Variants in ABCB1 observed in about 807,000 individuals in gnomAD.
The protein encoded by ABCB1 is ATP binding cassette subfamily B member 1.
Under a neutral mutation model 142.0 loss-of-function variants are expected in ABCB1, and 69 were observed. The ratio of observed to expected loss-of-function variants is 0.49; its 90% confidence interval spans 0.40 to 0.59. ABCB1 has a LOEUF of 0.59. Ranked by LOEUF, ABCB1 falls within the 20% of genes least tolerant of loss-of-function variation. ABCB1 has a pLI of 0.00. For missense variants in ABCB1, 1,326 were observed against 1,554.7 expected (o/e 0.85, Z 2.47); for synonymous variants, 532 against 539.2 (o/e 0.99, Z 0.18).
chr7:87,634,133 G>A (rs1306586147), intron 1 of ABCB1, among the ~76,000 whole-genome samples: 2 of 152,086 alleles, frequency 1.3e-5, no homozygotes, highest in Non-Finnish European at 2.9e-5. Context: ...ATCCAGCCTT[G>A]CTAGAGTGAG....
At chr7:87,556,126 T>C (rs1448922045) in intron 8 of ABCB1, among the ~76,000 whole-genome samples, 1 of 152,186 alleles carries the variant, frequency 6.6e-6, no homozygotes, top group Non-Finnish European at 1.5e-5. Flanking sequence ...AAGGCTTTAG[T>C]ACAGAAATGG....
At chr7:87,625,529 G>C (rs1405753188) in intron 1 of ABCB1, among the ~76,000 whole-genome samples, 1 of 152,182 alleles carries the variant, frequency 6.6e-6, no homozygotes, top group Non-Finnish European at 1.5e-5. Context: ...ATTGATAACT[G>C]ATGGTTTTCC....
chr7:87,530,131 G>T (rs1489382237), intron 21 of ABCB1, among the ~76,000 whole-genome samples: 1 of 152,196 alleles, frequency 6.6e-6, no homozygotes, highest in Non-Finnish European at 1.5e-5. Flanking sequence ...TCATTCACTT[G>T]GTGAGGTAGC....
chr7:87,550,946 G>A (rs1027598958), intron 9 of ABCB1, 108 bp from the exon 10 acceptor site: 45 of 727,502 alleles, frequency 6.2e-5, no homozygotes, highest in South Asian at 5.1e-4. Flanking sequence ...TTAAAATGGC[G>A]AGGCAACATA....
intron 1 of ABCB1, among the ~76,000 whole-genome samples, chr7:87,665,993 A>G (rs925443244): frequency 6.6e-6 from 1 of 152,132 alleles, no homozygotes; most frequent in Non-Finnish European, 1.5e-5. Context: ...TCCTCTGGGT[A>G]TATACCCGGT....
upstream of ABCB1, among the ~76,000 whole-genome samples, chr7:87,604,283 C>A (rs1465845259): frequency 2.0e-5 from 3 of 151,968 alleles, no homozygotes; most frequent in Non-Finnish European, 4.4e-5. Flanking sequence ...CCATCTGAGT[C>A]CAGATTGAAG....
chr7:87,548,615 T>C (rs1201015867), intron 14 of ABCB1, among the ~76,000 whole-genome samples: 1 of 152,188 alleles, frequency 6.6e-6, no homozygotes, highest in Non-Finnish European at 1.5e-5. Context: ...CTTTGAATTC[T>C]ACTGTGACAT....
At chr7:87,582,856 G>C (rs1818570163) in intron 4 of ABCB1, among the ~76,000 whole-genome samples, 1 of 151,538 alleles carries the variant, frequency 6.6e-6, no homozygotes, top group African/African-American at 2.4e-5. Context: ...TCCATTCTTA[G>C]TTCACACCCT....
chr7:87,531,594 T>C, intron 20 of ABCB1, 97 bp from the exon 21 acceptor site: 1 of 1,140,370 alleles, frequency 8.8e-7, no homozygotes, highest in South Asian at 1.3e-5. Context: ...ACTATATTCA[T>C]TATTTTATCA....
rs1328682779 is a variant in ABCB1 at position 87,503,029 on chromosome 7, A to T, written c.*1214T>A. On this transcript the variant is annotated 3_prime_UTR_variant, in exon 28 of 28. Transcript: ENST00000622132. ...TTCAACTAATAAGGAATGTCACATT[A>T]GATTTTTTTATTCATCATTAAATTA... Among the ~76,000 whole-genome samples, 1 of 152,016 alleles carries T rather than the reference A, an allele frequency of 6.6e-6. No individual in the cohort carries two copies. Among genetic ancestry groups the T allele is most frequent in the Non-Finnish European group, 1.5e-5 (1 of 67,918 alleles).
At chr7:87,519,593 T>A in intron 22 of ABCB1, 127 bp from the exon 23 acceptor site, 4 of 1,086,246 alleles carry the variant, frequency 3.7e-6, no homozygotes, top group Non-Finnish European at 4.1e-6. Context: ...TCCAAAGAAC[T>A]AAGTTTGGTC....
chr7:87,706,812 G>T (rs1829636281), intron 1 of ABCB1, among the ~76,000 whole-genome samples: 1 of 152,168 alleles, frequency 6.6e-6, no homozygotes, highest in Non-Finnish European at 1.5e-5. Flanking sequence ...TTCCTATGGG[G>T]TTGTTGCCAA....
At chr7:87,530,341 T>C (rs1277979266) in intron 21 of ABCB1, among the ~76,000 whole-genome samples, 2 of 152,192 alleles carry the variant, frequency 1.3e-5, no homozygotes, top group Non-Finnish European at 2.9e-5. Context: ...GAACTCTTTG[T>C]TTTATAACAG....
chr7:87,534,917 TAAAAAA>T (rs139364527), intron 20 of ABCB1, among the ~76,000 whole-genome samples: 2 of 91,810 alleles, frequency 2.2e-5, no homozygotes, highest in East Asian at 7.6e-4. Context: ...CCTGTCTCTT[TAAAAAA>T]AAAAAAAAAA....
In ABCB1 at chr7:87,544,895, T is replaced by C; in HGVS notation, c.1992A>G (p.Arg664=). Residue 664 remains arginine, a synonymous_variant, in exon 16 of 28, where the codon AGA becomes AGG. Coordinates refer to ENST00000622132, the MANE Select transcript of ABCB1 (RefSeq NM_001348946.2). The part of the protein sequence containing the change: ...SSNDSRSSLI[R]KRSTRRSVRG... The stretch of plus-strand genomic sequence containing the variant: ...GGACACTCCTACGAGTTGATCTTTT[T>C]CTTATTAGACTGGATCTTGAATCAT... 1.2e-6 allele frequency: 2 copies of C among 1,614,168 alleles called. No homozygotes were observed. Among genetic ancestry groups the C allele is most frequent in the Non-Finnish European group, 1.7e-6 (2 of 1,180,026 alleles).
chr7:87,595,945 AC>A (rs1271888053), intron 2 of ABCB1, 131 bp from the exon 3 acceptor site: 1 of 710,544 alleles, frequency 1.4e-6, no homozygotes, highest in Non-Finnish European at 2.4e-6. Flanking sequence ...CAGTTAAAAA[AC>A]AGGATGATAA....
intron 1 of ABCB1, among the ~76,000 whole-genome samples, chr7:87,712,764 C>A (rs1007192179): frequency 6.6e-6 from 1 of 151,996 alleles, no homozygotes; most frequent in African/African-American, 2.4e-5. Flanking sequence ...TGTAACCATA[C>A]ATAAACATAC....
At chr7:87,628,980 C>T (rs754002701) in intron 1 of ABCB1, 1 of 1,304,492 alleles carries the variant, frequency 7.7e-7, no homozygotes, top group East Asian at 2.8e-5. Context: ...ACCAGCCTCC[C>T]GCCGGGGCTG....
intron 25 of ABCB1, among the ~76,000 whole-genome samples, chr7:87,510,598 T>C (rs761753709): frequency 1.3e-5 from 2 of 152,258 alleles, no homozygotes; most frequent in African/African-American, 2.4e-5. Context: ...GCTTTTCTAA[T>C]AGTAGTGACT....
Sources: allele counts gnomAD v4.1 joint callset (sites outside exome capture counted in the v4.1 genomes callset), GRCh38; gene constraint gnomAD v4.1.1; transcripts MANE v1.5; gene names NCBI Gene and HGNC (gene_info 2026-07-23, HGNC 2026-07-21).